The following DCAF6 variants were observed in gnomAD, a reference collection of about 807,000 sequenced individuals.
The protein encoded by DCAF6 is DDB1 and CUL4 associated factor 6, also known as DDB1- and CUL4-associated factor 6.
Under a neutral mutation model 125.1 loss-of-function variants are expected in DCAF6, and 54 were observed. The ratio of observed to expected loss-of-function variants is 0.43; its 90% CI spans 0.35 to 0.54. DCAF6 has a LOEUF of 0.54. Ranked by LOEUF, DCAF6 falls within the 20% of genes least tolerant of loss-of-function variation. The pLI, the probability that DCAF6 is intolerant of heterozygous loss-of-function variation, is 0.01. For missense variants in DCAF6, 934 were observed against 1,161.7 expected, an observed-to-expected ratio of 0.80 and a Z score of 2.85; for synonymous variants, 371 against 390.4, an observed-to-expected ratio of 0.95 and a Z score of 0.58.
chr1:167,879,356 A>T, the DCAF6 span, among the ~76,000 whole-genome samples: 2 of 152,212 alleles, frequency 1.3e-5, no homozygotes, highest in Non-Finnish European at 2.9e-5. Flanking sequence ...AATTAATATT[A>T]CTACAAATGA....
At chr1:167,886,224 G>A in the DCAF6 span, among the ~76,000 whole-genome samples, 1 of 152,138 alleles carries the variant, frequency 6.6e-6, no homozygotes. Flanking sequence ...AACCAAAAAA[G>A]AGCCTGCATT....
the DCAF6 span, chr1:167,878,349 G>C: frequency 7.1e-7 from 1 of 1,404,234 alleles, no homozygotes; most frequent in East Asian, 2.3e-5. Flanking sequence ...TCAACTTTTT[G>C]AACTGGCTCC....
rs76831300 is a variant in DCAF6, at chr1:168,021,552, A to C, written c.1550-1436A>C. ...AGATTAGGGAACTGATTGAAATGCT[A>C]TTGTTCCCACTTTCTTTTTTGTGTA... On this transcript the variant is annotated intron_variant, in intron 11 of 21. Transcript: ENST00000367840. Among the ~76,000 whole-genome samples, 296 of 152,304 alleles carry C rather than the reference A, an allele frequency of 1.9e-3. 2 individuals carry two copies. Among genetic ancestry groups the C allele is most frequent in the African/African-American group, 7.0e-3 (290 of 41,576 alleles).
intron 18 of DCAF6, among the ~76,000 whole-genome samples, chr1:168,065,129 C>T (rs1206846941): frequency 5.3e-5 from 8 of 152,150 alleles, no homozygotes. Context: ...AAATCCTATT[C>T]TTTCATTTAG....
chr1:167,902,059 G>GAAA, the DCAF6 span: 10 of 1,363,744 alleles, frequency 7.3e-6, no homozygotes, highest in African/African-American at 1.5e-5. Context: ...ACACTTCTGA[G>GAAA]AAAAAAAAAA....
At chr1:167,979,624 T>G (rs1225301781) in intron 4 of DCAF6, among the ~76,000 whole-genome samples, 1 of 152,190 alleles carries the variant, frequency 6.6e-6, no homozygotes, top group Non-Finnish European at 1.5e-5. Flanking sequence ...CTGTGGCTCA[T>G]GCCTGTGATC....
intron 1 of DCAF6, among the ~76,000 whole-genome samples, chr1:167,947,342 G>A (rs1002002726): frequency 2.0e-5 from 3 of 149,144 alleles, no homozygotes; most frequent in African/African-American, 7.4e-5. Context: ...GACCTTTTGT[G>A]GGTTTTTTTT....
In DCAF6 at chr1:167,936,968, C is replaced by T. The variant is rs200625438; in HGVS notation, c.57C>T (p.Leu19=). 1.9e-6 allele frequency: 3 copies of T among 1,611,218 alleles called. No individual in the cohort carries two copies. The highest frequency in any genetic ancestry group is 2.5e-6 in the Non-Finnish European group (3 of 1,179,234). The change falls in exon 1 of 22, where the codon CTC becomes CTT. Residue 19 remains leucine (L), a synonymous_variant. Coordinates refer to ENST00000367840, the MANE Select transcript of DCAF6 (RefSeq NM_001198956.2). ...HLLWDVRKRS[L]GLEDPSRLRS... The stretch of plus-strand genomic sequence containing the variant: ...TGTGGGACGTGAGGAAAAGGTCCCT[C>T]GGGCTGGAGGACCCGTCCCGGCTGC...
the DCAF6 span, chr1:167,883,430 C>T: frequency 3.1e-6 from 5 of 1,614,178 alleles, no homozygotes; most frequent in Non-Finnish European, 4.2e-6. Context: ...CCATAGTTCA[C>T]ACTTACCTTG....
At chr1:168,004,427 T>C (rs1683064518) in intron 9 of DCAF6, 106 bp from the exon 10 acceptor site, 6 of 1,226,702 alleles carry the variant, frequency 4.9e-6, no homozygotes, top group African/African-American at 1.5e-5. Context: ...TGAAATTATA[T>C]ATTTGTGTGT....
intron 6 of DCAF6, among the ~76,000 whole-genome samples, chr1:167,992,312 A>G (rs539572627): frequency 5.3e-5 from 8 of 151,692 alleles, no homozygotes; most frequent in Non-Finnish European, 7.4e-5. Context: ...ATATATTCAC[A>G]TATTTTATAT....
At chr1:168,020,471 T>G (rs1384337139) in intron 11 of DCAF6, among the ~76,000 whole-genome samples, 1 of 152,194 alleles carries the variant, frequency 6.6e-6, no homozygotes, top group Non-Finnish European at 1.5e-5. Flanking sequence ...TAATTGACCA[T>G]GAGACATGCT....
At chr1:168,054,178 T>C (rs554636214) in intron 17 of DCAF6, among the ~76,000 whole-genome samples, 163 of 152,326 alleles carry the variant, frequency 1.1e-3, no homozygotes, top group African/African-American at 3.9e-3. Context: ...TCCTGTTGCT[T>C]ATGATAGAAA....
the DCAF6 span, among the ~76,000 whole-genome samples, chr1:167,907,018 C>G: frequency 1.3e-5 from 2 of 152,134 alleles, no homozygotes; most frequent in Non-Finnish European, 2.9e-5. Context: ...AAAAGTATAA[C>G]AAGCATTGCT....
Position 167,938,570 on chromosome 1 carries a change from T to C in DCAF6, c.97+1562T>C, listed in dbSNP as rs78858219. On this transcript the variant is annotated intron_variant, in intron 1 of 21. Coordinates refer to ENST00000367840, the MANE Select transcript of DCAF6 (RefSeq NM_001198956.2). ...ATTTTAAAATTGAACATAGCTGGAGTCTGGTTTTTAAAACTATTTACCAAA... is the reference window on the plus strand; with the variant it reads ...ATTTTAAAATTGAACATAGCTGGAGCCTGGTTTTTAAAACTATTTACCAAA... Among the ~76,000 whole-genome samples the C allele has an allele frequency of 4.6e-3, 693 of 152,262 alleles. 8 individuals carry two copies. The East Asian group carries it at 0.057, about 13-fold the overall frequency.
the DCAF6 span, among the ~76,000 whole-genome samples, chr1:167,887,102 T>C: frequency 1.3e-5 from 2 of 152,198 alleles, no homozygotes; most frequent in African/African-American, 4.8e-5. Flanking sequence ...TTGGTGGGAC[T>C]GTAAACTAGT....
Position 167,975,027 on chromosome 1 carries a change from T to C in DCAF6, c.438+12T>C, listed in dbSNP as rs374946661. The C allele has an allele frequency of 4.6e-6, 7 of 1,534,828 alleles. No individual in the cohort carries two copies. In the African/African-American group the frequency reaches 9.7e-5, roughly 21 times the overall value. On this transcript the variant is annotated intron_variant, in intron 4 of 21. Coordinates refer to ENST00000367840, the MANE Select transcript of DCAF6 (RefSeq NM_001198956.2). ...GAACTACTTATGAGGTATGGTATTA[T>C]TATGATTATATGATATATATGTAAG...
At chr1:168,056,432 G>T in intron 17 of DCAF6, 2 of 1,381,790 alleles carry the variant, frequency 1.4e-6, no homozygotes, top group Admixed American at 3.0e-5. Context: ...TGTTCGCAGG[G>T]GTGCGGGGGT....
the DCAF6 span, among the ~76,000 whole-genome samples, chr1:167,918,984 G>C: frequency 6.6e-6 from 1 of 152,110 alleles, no homozygotes; most frequent in Non-Finnish European, 1.5e-5. Flanking sequence ...AATTCTACAA[G>C]AACGTGACAA....
Sources: gnomAD v4.1 joint callset for allele counts (sites outside exome capture counted in the v4.1 genomes callset) on GRCh38, gnomAD v4.1.1 for gene constraint, MANE v1.5 for transcripts, NCBI Gene and HGNC (gene_info 2026-07-23, HGNC 2026-07-21) for gene names.